The following PRKN variants were observed in gnomAD, a reference collection of about 807,000 sequenced individuals.
PRKN encodes E3 ubiquitin-protein ligase parkin.
In PRKN, 56 loss-of-function variants were observed where a neutral mutation model predicts 59.5. That is an observed-to-expected ratio of 0.94 (90% CI 0.76 to 1.18). The LOEUF (loss-of-function observed/expected upper bound fraction) is 1.18. PRKN is among the 50% of genes most tolerant of loss of function. The probability of loss-of-function intolerance (pLI) is 0.00; values close to 1 mark genes in which losing one functional copy is unlikely to be tolerated. For missense variants in PRKN, 657 were observed against 596.4 expected (o/e 1.10, Z -1.06); for synonymous variants, 250 against 222.1 (o/e 1.13, Z -1.12).
chr6:162,644,225 A>G (rs1778076705), intron 1 of PRKN, among the ~76,000 whole-genome samples: 1 of 152,072 alleles, frequency 6.6e-6, no homozygotes. Context: ...TGCCACCCAG[A>G]TATGGCTACT....
chr6:162,703,564 T>A (rs1203326273), intron 1 of PRKN, among the ~76,000 whole-genome samples: 3 of 152,176 alleles, frequency 2.0e-5, no homozygotes, highest in African/African-American at 7.2e-5. Flanking sequence ...CTTTCACGTA[T>A]ACCAGCTGCC....
At chr6:162,530,107 G>A (rs1258095681) in intron 1 of PRKN, among the ~76,000 whole-genome samples, 1 of 151,018 alleles carries the variant, frequency 6.6e-6, no homozygotes, top group Non-Finnish European at 1.5e-5. Flanking sequence ...TCCAGCCTGG[G>A]CAACAAGAGC....
intron 7 of PRKN, among the ~76,000 whole-genome samples, chr6:161,620,478 T>C (rs1182182760): frequency 6.6e-6 from 1 of 152,230 alleles, no homozygotes; most frequent in Non-Finnish European, 1.5e-5. Context: ...TGAATTGATT[T>C]GTTTGATAGG....
rs1779974186 is a variant in PRKN at position 161,550,720 on chromosome 6, G to GGTATGT, written c.934-1723_934-1718dup. Among the ~76,000 whole-genome samples, 1 of 125,582 alleles carries GGTATGT rather than the reference G, an allele frequency of 8.0e-6. No individual in the cohort carries two copies. The highest frequency in any genetic ancestry group is 3.1e-5 in the African/African-American group (1 of 32,416). The allele number at this position is 125,582 out of a possible 152,430, so 82.4% of individuals were successfully genotyped here. A position where few individuals can be genotyped will look rare whatever the true frequency, so the allele number is the denominator to read the frequency against. On this transcript the variant is annotated intron_variant, in intron 8 of 11. Transcript: ENST00000366898. This position sits in a 1 kb window ranked among gnomAD's most constrained non-coding sequence, Gnocchi z 4.0. ...TGGGGACAACTGTGGTAGAAGAAAG[G>GGTATGT]GTATGTGTGTGTGTGCACGTGTGTG...
intron 1 of PRKN, among the ~76,000 whole-genome samples, chr6:162,486,674 T>G (rs567927308): frequency 1.3e-5 from 2 of 152,328 alleles, no homozygotes; most frequent in South Asian, 4.1e-4. Context: ...AGAAAGACTA[T>G]TTTATAAGGC....
chr6:162,235,928 AG>A, intron 3 of PRKN, among the ~76,000 whole-genome samples: 6 of 96,598 alleles, frequency 6.2e-5, no homozygotes, highest in African/African-American at 2.2e-4. Context: ...GAAGGAAGGA[AG>A]GAAGGAAGGA....
intron 1 of PRKN, among the ~76,000 whole-genome samples, chr6:162,509,599 A>G (rs1777500788): frequency 1.3e-5 from 2 of 152,204 alleles, no homozygotes; most frequent in African/African-American, 2.4e-5. Context: ...TAAAAAATAA[A>G]TTAGTTTGAA....
At chr6:162,435,823 T>C (rs1458974175) in intron 2 of PRKN, among the ~76,000 whole-genome samples, 2 of 152,150 alleles carry the variant, frequency 1.3e-5, no homozygotes, top group Non-Finnish European at 2.9e-5. Context: ...ACTGCGTGAC[T>C]GTGCTCTGGG....
chr6:162,422,082 A>G (rs1788999991), intron 2 of PRKN, among the ~76,000 whole-genome samples: 1 of 152,170 alleles, frequency 6.6e-6, no homozygotes, highest in African/African-American at 2.4e-5. Context: ...GGAATTCTTT[A>G]GTCTTGTCCA....
intron 7 of PRKN, among the ~76,000 whole-genome samples, chr6:161,662,946 A>G (rs1784599454): frequency 6.6e-6 from 1 of 152,190 alleles, no homozygotes; most frequent in Non-Finnish European, 1.5e-5. Flanking sequence ...TAATCCCCAC[A>G]TGTCGTGGAA....
intron 1 of PRKN, among the ~76,000 whole-genome samples, chr6:162,648,119 G>GTCT (rs1778267793): frequency 1.3e-5 from 2 of 152,120 alleles, no homozygotes; most frequent in South Asian, 4.1e-4. Context: ...GACGAGCGAT[G>GTCT]TAAAATGGCA....
At chr6:162,166,824 C>T (rs1783008964) in intron 4 of PRKN, among the ~76,000 whole-genome samples, 1 of 151,940 alleles carries the variant, frequency 6.6e-6, no homozygotes, top group Non-Finnish European at 1.5e-5. Context: ...TTCTATGAGA[C>T]ATTCTCCATA....
chr6:161,884,886 T>G lies in PRKN; in HGVS notation c.734+88416A>C, dbSNP rs1238827757. 2.6e-5 allele frequency among the ~76,000 whole-genome samples: 4 copies of G among 151,646 alleles called. 1 individual carries two copies. Among genetic ancestry groups the G allele is most frequent in the Admixed American group, 2.6e-4 (4 of 15,190 alleles). ...AATTTTGCAGGTCATGAGGTCTCTG[T>G]CACAACCACCCAACTCTACCATTGC... On this transcript the variant is annotated intron_variant, in intron 6 of 11. Coordinates refer to ENST00000366898, the MANE Select transcript of PRKN (RefSeq NM_004562.3).
chr6:161,866,773 T>C (rs1295036399), intron 6 of PRKN, among the ~76,000 whole-genome samples: 1 of 152,082 alleles, frequency 6.6e-6, no homozygotes, highest in Non-Finnish European at 1.5e-5. Context: ...ACAATTTTTA[T>C]AGTGATTGCT....
intron 1 of PRKN, among the ~76,000 whole-genome samples, chr6:162,460,112 C>T (rs1791082087): frequency 6.6e-6 from 1 of 152,184 alleles, no homozygotes; most frequent in African/African-American, 2.4e-5. Context: ...GTGGAAACCA[C>T]CCAAATGCTC....
intron 6 of PRKN, among the ~76,000 whole-genome samples, chr6:161,825,551 G>A (rs1792208451): frequency 6.6e-6 from 1 of 152,156 alleles, no homozygotes; most frequent in Admixed American, 6.5e-5. Context: ...AACCAAGTTA[G>A]TCCTGGGTTT....
At chr6:162,525,894 C>A (rs1778259709) in intron 1 of PRKN, among the ~76,000 whole-genome samples, 1 of 152,120 alleles carries the variant, frequency 6.6e-6, no homozygotes, top group Non-Finnish European at 1.5e-5. Flanking sequence ...CACTCCATTG[C>A]CCAGGCTGGA....
intron 1 of PRKN, among the ~76,000 whole-genome samples, chr6:162,533,154 C>G (rs1390003096): frequency 1.3e-5 from 2 of 152,188 alleles, no homozygotes; most frequent in African/African-American, 2.4e-5. Context: ...AGAGGAAGGA[C>G]AGTCTCTCAA....
At chr6:162,411,926 T>C (rs879592381) in intron 2 of PRKN, among the ~76,000 whole-genome samples, 3 of 152,162 alleles carry the variant, frequency 2.0e-5, no homozygotes, top group African/African-American at 4.8e-5. Flanking sequence ...CTTTAGATCC[T>C]GGAACTCCCT....
Sources: gnomAD v4.1 joint callset for allele counts (sites outside exome capture counted in the v4.1 genomes callset) on GRCh38, gnomAD v4.1.1 for gene constraint, Gnocchi (gnomAD v3.1) non-coding constraint, MANE v1.5 for transcripts, NCBI Gene and HGNC (gene_info 2026-07-23, HGNC 2026-07-21) for gene names.